Variants in RXRA observed in about 807,000 individuals in gnomAD.
RXRA encodes the protein retinoid X receptor alpha.
RXRA carries 5 observed loss-of-function variants against 44.5 expected under a neutral mutation model. The ratio of observed to expected loss-of-function variants is 0.11; its 90% CI spans 0.06 to 0.24. The LOEUF (loss-of-function observed/expected upper bound fraction) is 0.24, where lower values mean the gene tolerates loss of function less well. RXRA is among the 10% of genes least tolerant of loss of function. The probability of loss-of-function intolerance (pLI) is 1.00; values close to 1 mark genes in which losing one functional copy is unlikely to be tolerated. For missense variants in RXRA, 412 were observed against 646.5 expected, an observed-to-expected ratio of 0.64 and a Z score of 3.93; for synonymous variants, 291 against 271.4, an observed-to-expected ratio of 1.07 and a Z score of -0.71.
intron 1 of RXRA, among the ~76,000 whole-genome samples, chr9:134,345,949 C>T (rs1160641100): frequency 6.6e-6 from 1 of 152,156 alleles, no homozygotes; most frequent in Admixed American, 6.5e-5. Context: ...TTTCCCCATT[C>T]AGGAGGTCCT....
intron 2 of RXRA, chr9:134,405,382 C>T (rs1831033682): frequency 6.6e-6 from 1 of 152,274 alleles, no homozygotes; most frequent in Non-Finnish European, 1.5e-5. Context: ...CCTGGGCTCA[C>T]TGGGCTAGCC....
intron 1 of RXRA, among the ~76,000 whole-genome samples, chr9:134,360,164 C>T (rs1830331746): frequency 6.6e-6 from 1 of 152,170 alleles, no homozygotes; most frequent in African/African-American, 2.4e-5. Context: ...CTGGGGTGGG[C>T]CAGGATCCCT....
At chr9:134,397,374 G>T (rs963198460) in intron 1 of RXRA, among the ~76,000 whole-genome samples, 2 of 152,204 alleles carry the variant, frequency 1.3e-5, no homozygotes, top group Non-Finnish European at 2.9e-5. Flanking sequence ...CCATCTGGGG[G>T]CCCAGGGAGC....
chr9:134,354,432 G>A (rs1467385399), intron 1 of RXRA, among the ~76,000 whole-genome samples: 2 of 152,244 alleles, frequency 1.3e-5, no homozygotes, highest in African/African-American at 4.8e-5. Flanking sequence ...TGGAACGAAT[G>A]AACTCACCCG....
intron 6 of RXRA, chr9:134,422,528 C>T: frequency 8.2e-7 from 1 of 1,223,700 alleles, no homozygotes; most frequent in Non-Finnish European, 1.1e-6. Context: ...ACACTCCCCC[C>T]TTCCGGGACA....
intron 7 of RXRA, 47 bp downstream of exon 7, chr9:134,429,287 C>T (rs995560565): frequency 5.6e-6 from 9 of 1,593,096 alleles, no homozygotes; most frequent in East Asian, 2.2e-5. Flanking sequence ...TCACCTCCGC[C>T]ACCAGGCCAG....
At chr9:134,387,406 C>G (rs1026005908) in intron 1 of RXRA, among the ~76,000 whole-genome samples, 1 of 152,262 alleles carries the variant, frequency 6.6e-6, no homozygotes, top group African/African-American at 2.4e-5. Context: ...CACGGGGAGC[C>G]TCGGGGAGGG....
At chr9:134,392,527 C>T (rs1830816012) in intron 1 of RXRA, among the ~76,000 whole-genome samples, 1 of 152,194 alleles carries the variant, frequency 6.6e-6, no homozygotes, top group South Asian at 2.1e-4. Context: ...GGCCTGGCCC[C>T]AGAGCTGCGC....
chr9:134,328,359 G>A (rs1283926070), intron 1 of RXRA, among the ~76,000 whole-genome samples: 2 of 152,136 alleles, frequency 1.3e-5, no homozygotes, highest in Non-Finnish European at 2.9e-5. Flanking sequence ...TGGATGTAGG[G>A]CGAGGGAGCA....
rs535220776 is a variant in RXRA at position 134,368,555 on chromosome 9, CTG to C, written c.29-33073_29-33072del. ...TGTGTGTATGAGTGTGTGTGTGTGA[CTG>C]TGTATTTTGTATGTATAGGTATGTG... On this transcript the variant is annotated intron_variant, in intron 1 of 9. Coordinates refer to ENST00000481739, the MANE Select transcript of RXRA (RefSeq NM_002957.6). Among the ~76,000 whole-genome samples the C allele has an allele frequency of 1.9e-4, 29 of 151,422 alleles. No homozygotes were observed. The South Asian group carries it at 3.5e-3, about 19-fold the overall frequency.
intron 1 of RXRA, among the ~76,000 whole-genome samples, chr9:134,327,229 C>T (rs920174364): frequency 1.1e-4 from 16 of 152,150 alleles, no homozygotes; most frequent in Non-Finnish European, 1.8e-4. Context: ...ATGAACAGAA[C>T]GTCAGACCTG....
At chr9:134,414,707 T>G (rs919421358) in intron 4 of RXRA, among the ~76,000 whole-genome samples, 2 of 152,234 alleles carry the variant, frequency 1.3e-5, no homozygotes, top group Admixed American at 6.5e-5. Context: ...GTCTTGGCAC[T>G]GAGACTTTAG....
chr9:134,422,587 G>T lies in RXRA; in HGVS notation c.910+782G>T, dbSNP rs185017012. The T allele has an allele frequency of 1.9e-5, 21 of 1,127,348 alleles. No individual in the cohort carries two copies. In the East Asian group the frequency reaches 1.3e-3, roughly 68 times the overall value. 69.8% of individuals were successfully genotyped at this position (1,127,348 alleles called of 1,614,324 possible). On this transcript the variant is annotated intron_variant, in intron 6 of 9. Coordinates refer to ENST00000481739, the MANE Select transcript of RXRA (RefSeq NM_002957.6). ...CACTCCCGGGACACTCCCCTCTCCC[G>T]GGACACTCCCCGCTCCCAGGACGCT...
chr9:134,346,120 C>T (rs556262175), intron 1 of RXRA, among the ~76,000 whole-genome samples: 8 of 152,212 alleles, frequency 5.3e-5, no homozygotes, highest in African/African-American at 1.9e-4. Flanking sequence ...CACGCAGGGT[C>T]CCTCGGCTCT....
intron 1 of RXRA, among the ~76,000 whole-genome samples, chr9:134,330,853 A>G (rs1416086862): frequency 6.6e-6 from 1 of 152,166 alleles, no homozygotes; most frequent in South Asian, 2.1e-4. Flanking sequence ...GGCTCTTCCA[A>G]ATGCTGGAGA....
intron 6 of RXRA, among the ~76,000 whole-genome samples, chr9:134,428,412 C>G (rs1362553818): frequency 7.2e-6 from 1 of 139,272 alleles, no homozygotes; most frequent in Non-Finnish European, 1.6e-5. Context: ...GTTACCTAAC[C>G]ACCCGCCCCA....
intron 2 of RXRA, chr9:134,406,088 C>T (rs1164310137): frequency 6.6e-6 from 1 of 152,286 alleles, no homozygotes; most frequent in Non-Finnish European, 1.5e-5. Context: ...GACTCAGTTA[C>T]ACTTAATCAG....
At chr9:134,392,286 C>T (rs1830811660) in intron 1 of RXRA, among the ~76,000 whole-genome samples, 1 of 144,578 alleles carries the variant, frequency 6.9e-6, no homozygotes, top group African/African-American at 2.5e-5. Flanking sequence ...CTAGCCTCTG[C>T]CCCAGGCAGC....
intron 1 of RXRA, among the ~76,000 whole-genome samples, chr9:134,377,332 C>G (rs992615047): frequency 8.5e-5 from 13 of 152,336 alleles, no homozygotes; most frequent in African/African-American, 3.1e-4. Flanking sequence ...GGCGTTGTCC[C>G]CATCACTGCC....
Sources: allele counts gnomAD v4.1 joint callset (sites outside exome capture counted in the v4.1 genomes callset), GRCh38; gene constraint gnomAD v4.1.1; transcripts MANE v1.5; gene names NCBI Gene and HGNC (gene_info 2026-07-23, HGNC 2026-07-21).